ZNF804A: variants seen among roughly 807,000 people sequenced by gnomAD.
ZNF804A encodes the protein zinc finger protein 804A.
ZNF804A carries 2 observed loss-of-function variants against 16.5 expected under a neutral mutation model. The ratio of observed to expected loss-of-function variants is 0.12; its 90% CI spans 0.05 to 0.38. The LOEUF (loss-of-function observed/expected upper bound fraction) is 0.38, where lower values mean the gene tolerates loss of function less well. Ranked by LOEUF, ZNF804A falls within the 10% of genes least tolerant of loss-of-function variation. The probability of loss-of-function intolerance (pLI) is 0.99; values close to 1 mark genes in which losing one functional copy is unlikely to be tolerated. For missense variants in ZNF804A, 1,473 were observed against 1,390.7 expected (o/e 1.06, Z -0.94); for synonymous variants, 534 against 489.6 (o/e 1.09, Z -1.20).
At chr2:184,644,762 A>G (rs1442291915) in intron 1 of ZNF804A, among the ~76,000 whole-genome samples, 2 of 152,048 alleles carry the variant, frequency 1.3e-5, no homozygotes, top group African/African-American at 4.8e-5. Context: ...ACTCTGTTTC[A>G]TACCTTGCTT....
chr2:184,917,683 G>GTA (rs1012487069), intron 2 of ZNF804A, among the ~76,000 whole-genome samples: 7 of 151,784 alleles, frequency 4.6e-5, no homozygotes, highest in African/African-American at 1.4e-4. Context: ...GTGTGTGTGT[G>GTA]TATATATATA....
At chr2:184,682,662 T>C (rs1395192244) in intron 1 of ZNF804A, among the ~76,000 whole-genome samples, 1 of 152,228 alleles carries the variant, frequency 6.6e-6, no homozygotes, top group Admixed American at 6.5e-5. Flanking sequence ...AACTCTGTCA[T>C]TCGATATGCA....
intron 1 of ZNF804A, among the ~76,000 whole-genome samples, chr2:184,770,017 T>G (rs2105768045): frequency 6.6e-6 from 1 of 152,202 alleles, no homozygotes; most frequent in Non-Finnish European, 1.5e-5. Flanking sequence ...GAAGAAAGAT[T>G]GTCATATTTT....
intron 1 of ZNF804A, among the ~76,000 whole-genome samples, chr2:184,629,586 G>A: frequency 6.6e-6 from 1 of 152,048 alleles, no homozygotes; most frequent in East Asian, 1.9e-4. Context: ...ACACTTCAAA[G>A]TAAAATACAG....
chr2:184,861,199 C>A (rs1695795733), intron 1 of ZNF804A, among the ~76,000 whole-genome samples: 2 of 152,262 alleles, frequency 1.3e-5, no homozygotes, highest in Middle Eastern at 3.4e-3. Flanking sequence ...TGTTCACATT[C>A]CTCTCCTTCC....
chr2:184,869,005 A>G (rs1213981815), intron 2 of ZNF804A, among the ~76,000 whole-genome samples: 2 of 152,054 alleles, frequency 1.3e-5, no homozygotes, highest in East Asian at 1.9e-4. Flanking sequence ...AAAATGCTCT[A>G]AAGTTTGAAA....
At chr2:184,778,587 G>C (rs1694326914) in intron 1 of ZNF804A, among the ~76,000 whole-genome samples, 1 of 151,556 alleles carries the variant, frequency 6.6e-6, no homozygotes, top group South Asian at 2.1e-4. Context: ...CTCAACATTA[G>C]CCCAAGATAT....
rs544075973 is a variant in ZNF804A at position 184,822,049 on chromosome 2, A to G, written c.112-44320A>G. ...GGCAGAAATACCATTTGACCCAGCA[A>G]TTCCATTACTTGTTGTATACCCAAA... On this transcript the variant is annotated intron_variant, in intron 1 of 3. Coordinates refer to ENST00000302277, the MANE Select transcript of ZNF804A (RefSeq NM_194250.2). 7.9e-5 allele frequency among the ~76,000 whole-genome samples: 12 copies of G among 152,282 alleles called. No individual in the cohort carries two copies. The South Asian group carries it at 2.5e-3, about 32-fold the overall frequency.
intron 1 of ZNF804A, among the ~76,000 whole-genome samples, chr2:184,825,458 G>A (rs1355216350): frequency 6.6e-6 from 1 of 152,046 alleles, no homozygotes; most frequent in African/African-American, 2.4e-5. Context: ...CTTTCAGGGA[G>A]ACAGATATAA....
intron 1 of ZNF804A, among the ~76,000 whole-genome samples, chr2:184,759,678 A>G (rs1240775296): frequency 6.6e-6 from 1 of 151,982 alleles, no homozygotes; most frequent in East Asian, 1.9e-4. Context: ...ACCTGCACCT[A>G]TACATCCAGA....
intron 2 of ZNF804A, among the ~76,000 whole-genome samples, chr2:184,899,040 TA>T (rs1341564655): frequency 6.6e-6 from 1 of 151,950 alleles, no homozygotes; most frequent in Non-Finnish European, 1.5e-5. Context: ...TTAAAATACT[TA>T]TTCAGTGGTG....
chr2:184,853,453 C>G (rs867282080), intron 1 of ZNF804A, among the ~76,000 whole-genome samples: 2 of 151,770 alleles, frequency 1.3e-5, no homozygotes. Flanking sequence ...TGGTAGGAAT[C>G]AGCATTCATG....
At chr2:184,922,938 C>T (rs1685552883) in intron 2 of ZNF804A, among the ~76,000 whole-genome samples, 2 of 151,994 alleles carry the variant, frequency 1.3e-5, no homozygotes, top group Admixed American at 6.6e-5. Context: ...ATGCCAATAC[C>T]ATGCCATTTT....
chr2:184,752,295 A>T (rs1030248917), intron 1 of ZNF804A, among the ~76,000 whole-genome samples: 6 of 151,750 alleles, frequency 4.0e-5, no homozygotes, highest in Non-Finnish European at 8.9e-5. Flanking sequence ...AATACTACAC[A>T]GCGACAAAAA....
intron 1 of ZNF804A, among the ~76,000 whole-genome samples, chr2:184,756,375 A>G (rs542499906): frequency 1.3e-4 from 20 of 151,894 alleles, no homozygotes; most frequent in Non-Finnish European, 2.5e-4. Flanking sequence ...AGCTACTGCA[A>G]CCATCTTAAA....
At chr2:184,817,409 CA>C (rs1695001216) in intron 1 of ZNF804A, among the ~76,000 whole-genome samples, 1 of 151,914 alleles carries the variant, frequency 6.6e-6, no homozygotes, top group South Asian at 2.1e-4. Flanking sequence ...CAAAACTCAG[CA>C]ACCTGAAAAA....
At chr2:184,628,177 G>A (rs763388902) in intron 1 of ZNF804A, among the ~76,000 whole-genome samples, 32 of 152,234 alleles carry the variant, frequency 2.1e-4, no homozygotes, top group Middle Eastern at 3.4e-3. Flanking sequence ...AACCGGGCAT[G>A]GTGGCGCATG....
chr2:184,918,928 C>T (rs2105835708), intron 2 of ZNF804A, among the ~76,000 whole-genome samples: 1 of 152,170 alleles, frequency 6.6e-6, no homozygotes, highest in African/African-American at 2.4e-5. Flanking sequence ...TTTTTTCACC[C>T]ATTCTTTGGT....
At chr2:184,612,287 C>A (rs981128151) in intron 1 of ZNF804A, among the ~76,000 whole-genome samples, 1 of 151,928 alleles carries the variant, frequency 6.6e-6, no homozygotes, top group African/African-American at 2.4e-5. Context: ...TCCAAATTTT[C>A]AAACTTTATT....
Sources: allele counts gnomAD v4.1 joint callset (sites outside exome capture counted in the v4.1 genomes callset), GRCh38; gene constraint gnomAD v4.1.1; transcripts MANE v1.5; gene names NCBI Gene and HGNC (gene_info 2026-07-23, HGNC 2026-07-21).